The following FAT4 variants were observed in gnomAD, a reference collection of about 807,000 sequenced individuals.
FAT4 encodes the protein FAT atypical cadherin 4.
FAT4 carries 84 observed loss-of-function variants against 303.9 expected under a neutral mutation model. The ratio of observed to expected loss-of-function variants is 0.28; its 90% CI spans 0.23 to 0.33. The LOEUF (loss-of-function observed/expected upper bound fraction) is 0.33, where lower values mean the gene tolerates loss of function less well. FAT4 is among the 10% of genes least tolerant of loss of function. The pLI, the probability that FAT4 is intolerant of heterozygous loss-of-function variation, is 1.00. For synonymous variants in FAT4, 2,307 were observed against 2,298.8 expected, an observed-to-expected ratio of 1.00 and a Z score of -0.10; for missense variants, 6,005 against 6,146.8, an observed-to-expected ratio of 0.98 and a Z score of 0.77.
rs772141148 is a variant in FAT4 at position 125,319,663 on chromosome 4, G to A, written c.3252G>A (p.Val1084=). 1 of 1,614,000 alleles carries A rather than the reference G, an allele frequency of 6.2e-7. No individual in the cohort carries two copies. Among genetic ancestry groups the A allele is most frequent in the Non-Finnish European group, 8.5e-7 (1 of 1,179,896 alleles). The part of the protein sequence containing the change: ...DRAVEPLSAT[V]NVTVILEDVN... ...CAGTGGAACCCCTTAGTGCTACTGT[G>A]AATGTTACTGTAATTTTAGAAGATG... Residue 1084 remains valine, a synonymous_variant, in exon 2 of 18, where the codon GTG becomes GTA. Transcript: ENST00000394329.
chr4:125,445,675 G>T (rs2126054060), intron 8 of FAT4, among the ~76,000 whole-genome samples: 1 of 152,080 alleles, frequency 6.6e-6, no homozygotes, highest in Middle Eastern at 3.4e-3. Context: ...TAACCTATCT[G>T]GTTAGCATCA....
At chr4:125,377,670 T>C (rs560973250) in intron 2 of FAT4, among the ~76,000 whole-genome samples, 1 of 152,272 alleles carries the variant, frequency 6.6e-6, no homozygotes, top group East Asian at 1.9e-4. Context: ...TGGAGTTTTA[T>C]AGGTAAAATA....
chr4:125,340,411 C>G (rs1260369629), intron 2 of FAT4, among the ~76,000 whole-genome samples: 2 of 151,586 alleles, frequency 1.3e-5, no homozygotes, highest in Non-Finnish European at 1.5e-5. Flanking sequence ...TGAGACGGAG[C>G]CTCGCTCTGT....
chr4:125,351,397 A>G (rs909041839), intron 2 of FAT4, among the ~76,000 whole-genome samples: 1 of 151,774 alleles, frequency 6.6e-6, no homozygotes, highest in South Asian at 2.1e-4. Context: ...TCATAAATCA[A>G]CTAGCAAAAC....
chr4:125,376,805 A>T (rs1467111237), intron 2 of FAT4, among the ~76,000 whole-genome samples: 1 of 152,134 alleles, frequency 6.6e-6, no homozygotes, highest in Non-Finnish European at 1.5e-5. Flanking sequence ...GAATCACTTG[A>T]ACCCAGGAGG....
chr4:125,325,271 C>T (rs938296321), intron 2 of FAT4, among the ~76,000 whole-genome samples: 6 of 152,038 alleles, frequency 3.9e-5, no homozygotes, highest in African/African-American at 1.2e-4. Context: ...TTAGAAATAT[C>T]AGGCATTGAT....
chr4:125,419,809 C>A (rs1157198410), intron 7 of FAT4, among the ~76,000 whole-genome samples: 5 of 152,134 alleles, frequency 3.3e-5, no homozygotes, highest in Non-Finnish European at 7.3e-5. Context: ...AATTGGCCAA[C>A]ATGGAAGTAT....
At chr4:125,420,877 A>G (rs1021021772) in intron 7 of FAT4, among the ~76,000 whole-genome samples, 1 of 152,198 alleles carries the variant, frequency 6.6e-6, no homozygotes, top group Non-Finnish European at 1.5e-5. Flanking sequence ...CTGGTTCATA[A>G]GATTTAATTC....
intron 16 of FAT4, among the ~76,000 whole-genome samples, chr4:125,486,149 T>C (rs1430436499): frequency 6.6e-6 from 1 of 151,776 alleles, no homozygotes; most frequent in Non-Finnish European, 1.5e-5. Flanking sequence ...TTTCCTTTTT[T>C]TTTTTTTCAA....
At chr4:125,336,662 T>C (rs1731589075) in intron 2 of FAT4, among the ~76,000 whole-genome samples, 2 of 152,008 alleles carry the variant, frequency 1.3e-5, no homozygotes, top group African/African-American at 4.8e-5. Context: ...GCTCTATTTC[T>C]GGAACTAGAA....
chr4:125,417,484 T>C (rs1230271113), intron 7 of FAT4, among the ~76,000 whole-genome samples: 2 of 152,114 alleles, frequency 1.3e-5, no homozygotes, highest in East Asian at 3.9e-4. Flanking sequence ...CTTGGAATTA[T>C]TAGTATAAGT....
intron 2 of FAT4, among the ~76,000 whole-genome samples, chr4:125,338,552 A>G (rs1472356857): frequency 1.3e-5 from 2 of 152,208 alleles, no homozygotes; most frequent in African/African-American, 4.8e-5. Flanking sequence ...CTTTAACAGG[A>G]TAGCTTCTAT....
intron 8 of FAT4, among the ~76,000 whole-genome samples, chr4:125,438,493 G>A (rs1578643333): frequency 6.6e-6 from 1 of 152,004 alleles, no homozygotes; most frequent in Admixed American, 6.6e-5. Context: ...CTTTTAACAT[G>A]AGAATTAACA....
intron 8 of FAT4, among the ~76,000 whole-genome samples, chr4:125,434,898 T>TG (rs1725402037): frequency 6.6e-6 from 1 of 152,180 alleles, no homozygotes; most frequent in Non-Finnish European, 1.5e-5. Flanking sequence ...TTTTAGTTGG[T>TG]GGTTCTCAAC....
chr4:125,350,725 A>G (rs539331144), intron 2 of FAT4, among the ~76,000 whole-genome samples: 3 of 151,794 alleles, frequency 2.0e-5, no homozygotes, highest in Non-Finnish European at 3.0e-5. Context: ...CCATAGGAAA[A>G]CAGAGCAAGT....
Position 125,317,551 on chromosome 4 carries a change from C to T in FAT4, c.1140C>T (p.Leu380=). ...NAQVGTVVAL[L]TVTDADSPAA... is the part of the protein sequence containing the mutation. ...AAGTGGGCACCGTGGTGGCTCTGCT[C>T]ACCGTGACGGACGCAGATTCTCCCG... The change falls in exon 2 of 18, where the codon CTC becomes CTT. Residue 380 remains leucine (L), a synonymous_variant. Transcript: ENST00000394329. The surrounding 1 kb of genome is among the most constrained non-coding windows in gnomAD (Gnocchi z 7.0). 6.2e-7 allele frequency: 1 copy of T among 1,613,938 alleles called. No homozygotes were observed.
At chr4:125,479,972 T>G in intron 15 of FAT4, 107 bp downstream of exon 15, 1 of 798,886 alleles carries the variant, frequency 1.3e-6, no homozygotes, top group Non-Finnish European at 1.7e-6. Context: ...TCATTCTAAA[T>G]ATTAAAATAT....
chr4:125,451,006 T>C lies in FAT4; in HGVS notation c.9996T>C (p.Asp3332=). The change falls in exon 10 of 18, where the codon GAT becomes GAC. Residue 3332 remains aspartate (D), a synonymous_variant. Coordinates refer to ENST00000394329, the MANE Select transcript of FAT4 (RefSeq NM_001291303.3). The stretch of plus-strand genomic sequence containing the variant: ...CTAGCGACCGTGATTTGGGCACTGA[T>C]GGGGAGGTACACTATTTGATTTTTG... ...VFASDRDLGT[D]GEVHYLIFGN... 1 of 1,614,122 alleles carries C rather than the reference T, an allele frequency of 6.2e-7. No individual in the cohort carries two copies. Among genetic ancestry groups the C allele is most frequent in the South Asian group, 1.1e-5 (1 of 91,078 alleles).
At chr4:125,468,065 G>A (rs1726727656) in intron 11 of FAT4, among the ~76,000 whole-genome samples, 1 of 152,074 alleles carries the variant, frequency 6.6e-6, no homozygotes, top group Admixed American at 6.6e-5. Flanking sequence ...TCGGGAAGCT[G>A]AGACAAGAGA....
Sources: gnomAD v4.1 joint callset for allele counts (sites outside exome capture counted in the v4.1 genomes callset) on GRCh38, gnomAD v4.1.1 for gene constraint, Gnocchi (gnomAD v3.1) non-coding constraint, MANE v1.5 for transcripts, NCBI Gene and HGNC (gene_info 2026-07-23, HGNC 2026-07-21) for gene names.